Variants in LRBA observed in about 807,000 individuals in gnomAD.
LRBA encodes LPS responsive beige-like anchor protein.
In LRBA, 176 loss-of-function variants were observed where a neutral mutation model predicts 330.0. The ratio of observed to expected loss-of-function variants is 0.53; its 90% CI spans 0.47 to 0.60. LRBA has a LOEUF of 0.60. Among genes scored for constraint, LRBA ranks in the 20% least tolerant of loss-of-function variants. The probability of loss-of-function intolerance (pLI) is 0.00; values close to 1 mark genes in which losing one functional copy is unlikely to be tolerated. For missense variants in LRBA, 3,259 were observed against 3,444.8 expected, an observed-to-expected ratio of 0.95 and a Z score of 1.35; for synonymous variants, 1,230 against 1,193.0, an observed-to-expected ratio of 1.03 and a Z score of -0.64.
At chr4:150,853,952 C>A (rs1750926398) in intron 22 of LRBA, among the ~76,000 whole-genome samples, 2 of 151,870 alleles carry the variant, frequency 1.3e-5, no homozygotes, top group Non-Finnish European at 2.9e-5. Context: ...CTTTATTGAG[C>A]CATAGTATAA....
At chr4:150,289,743 C>A (rs1377520306) in intron 53 of LRBA, among the ~76,000 whole-genome samples, 1 of 152,120 alleles carries the variant, frequency 6.6e-6, no homozygotes, top group East Asian at 1.9e-4. Context: ...TTCTCCTCAT[C>A]AAAAAGTACA....
At chr4:150,835,555 T>C (rs866803382) in intron 28 of LRBA, among the ~76,000 whole-genome samples, 3 of 152,158 alleles carry the variant, frequency 2.0e-5, no homozygotes, top group African/African-American at 4.8e-5. Flanking sequence ...GTATTTTATT[T>C]TTTTTGAAGC....
intron 11 of LRBA, among the ~76,000 whole-genome samples, chr4:150,908,036 A>G (rs1421043742): frequency 6.6e-6 from 1 of 151,924 alleles, no homozygotes; most frequent in Non-Finnish European, 1.5e-5. Flanking sequence ...ATGGGTAGTA[A>G]AAAAAATTTT....
chr4:150,302,515 AT>A (rs1729802455), intron 53 of LRBA, 109 bp downstream of exon 53: 1 of 558,190 alleles, frequency 1.8e-6, no homozygotes, highest in African/African-American at 1.9e-5. Flanking sequence ...TAAATAAAAA[AT>A]ACTTGATAAT....
At chr4:150,301,575 C>T (rs1295400652) in intron 53 of LRBA, among the ~76,000 whole-genome samples, 1 of 151,146 alleles carries the variant, frequency 6.6e-6, no homozygotes, top group Admixed American at 6.6e-5. Flanking sequence ...TAACATTATA[C>T]TAGCATTTGA....
intron 52 of LRBA, among the ~76,000 whole-genome samples, chr4:150,303,802 TG>T (rs1729997181): frequency 6.6e-6 from 1 of 152,002 alleles, no homozygotes; most frequent in South Asian, 2.1e-4. Flanking sequence ...CTCGATCTCC[TG>T]ACCTTGTAAT....
intron 2 of LRBA, among the ~76,000 whole-genome samples, chr4:150,958,741 T>C (rs1042959839): frequency 6.7e-6 from 1 of 148,928 alleles, no homozygotes; most frequent in Non-Finnish European, 1.5e-5. Context: ...TCCACAGACC[T>C]CTAGGGCAAG....
At position 150,590,718 on chromosome 4, in the gene LRBA, A is replaced by G. The variant is rs1464918344; in HGVS notation, c.6188T>C (p.Leu2063Pro). ...TGCACAACCACCAAATTTACCGGCA[A>G]GATTCTCTAAATCTTTCTCATCCAC... is the stretch of plus-strand genomic sequence containing the variant. Reference protein sequence around the residue: ...SSVDEKDLENLAGPVSLSTPA... With the variant: ...SSVDEKDLENPAGPVSLSTPA... The change falls in exon 39 of 57, where the codon CTT becomes CCT. Residue 2063 changes from leucine to proline, a missense_variant. By Grantham distance (98) the Leu-to-Pro change is moderately conservative. Coordinates refer to ENST00000651943, the MANE Select transcript of LRBA (RefSeq NM_001364905.1). The G allele has an allele frequency of 6.2e-7, 1 of 1,613,244 alleles. No homozygotes were observed. Among genetic ancestry groups the G allele is most frequent in the Non-Finnish European group, 8.5e-7 (1 of 1,179,788 alleles).
In LRBA at chr4:150,633,843, G is replaced by A. The variant is rs554119871; in HGVS notation, c.5922-34712C>T. On this transcript the variant is annotated intron_variant, in intron 37 of 56. Coordinates refer to ENST00000651943, the MANE Select transcript of LRBA (RefSeq NM_001364905.1). ...TTAAATACCTCTGCTGGTCGGATGC[G>A]GTGGCTCACACCTGTAATCCCAGCA... Among the ~76,000 whole-genome samples the A allele has an allele frequency of 3.9e-5, 6 of 152,230 alleles. No homozygotes were observed. The South Asian group carries it at 6.2e-4, about 16-fold the overall frequency.
rs371473736 is a variant in LRBA at position 150,891,493 on chromosome 4, T to C, written c.2165+1559A>G. On this transcript the variant is annotated intron_variant, in intron 17 of 56. Coordinates refer to ENST00000651943, the MANE Select transcript of LRBA (RefSeq NM_001364905.1). ...GAGATTAACATTTAAATAAGCAGAT[T>C]TTTTGTATGTGGACCTTATCCAGCT... 1.7e-4 allele frequency among the ~76,000 whole-genome samples: 26 copies of C among 152,300 alleles called. 2 individuals are homozygous for C. Among genetic ancestry groups the C allele is most frequent in the East Asian group, 1.2e-3 (6 of 5,182 alleles).
In LRBA at chr4:150,537,965, G is replaced by A. The variant is rs542326470; in HGVS notation, c.6331-46930C>T. ...GCGAGACTCTGTCTCAAAAAAAAAA[G>A]CGAACAAAAGACATTGAACAGAAGC... On this transcript the variant is annotated intron_variant, in intron 40 of 56. Coordinates refer to ENST00000651943, the MANE Select transcript of LRBA (RefSeq NM_001364905.1). Among the ~76,000 whole-genome samples the A allele has an allele frequency of 4.6e-5, 7 of 151,118 alleles. No individual in the cohort carries two copies. The South Asian group carries it at 1.5e-3, about 32-fold the overall frequency.
intron 36 of LRBA, among the ~76,000 whole-genome samples, chr4:150,716,259 C>T (rs1435165628): frequency 1.3e-5 from 2 of 152,068 alleles, no homozygotes; most frequent in East Asian, 3.9e-4. Flanking sequence ...CCAACCTGGC[C>T]AAGATGGTGA....
chr4:150,620,004 C>G (rs899269053), intron 37 of LRBA, among the ~76,000 whole-genome samples: 8 of 152,120 alleles, frequency 5.3e-5, no homozygotes, highest in African/African-American at 1.7e-4. Context: ...TGTAATTTAA[C>G]TACAAAAAAT....
At chr4:150,488,433 C>A (rs1052092791) in intron 41 of LRBA, among the ~76,000 whole-genome samples, 3 of 151,566 alleles carry the variant, frequency 2.0e-5, no homozygotes, top group African/African-American at 7.3e-5. Flanking sequence ...TCTGAAGGAA[C>A]ATTTTTCCTC....
intron 33 of LRBA, among the ~76,000 whole-genome samples, chr4:150,801,608 A>G (rs1241436862): frequency 2.0e-5 from 3 of 152,204 alleles, no homozygotes; most frequent in Non-Finnish European, 2.9e-5. Context: ...AAACTGTATC[A>G]AGTAAACTGT....
chr4:150,947,743 C>A (rs1736393998), intron 2 of LRBA, among the ~76,000 whole-genome samples: 1 of 151,872 alleles, frequency 6.6e-6, no homozygotes, highest in African/African-American at 2.4e-5. Flanking sequence ...TTAAGCTGTC[C>A]CTATTTGCAC....
intron 37 of LRBA, among the ~76,000 whole-genome samples, chr4:150,660,895 A>G (rs1561486849): frequency 8.5e-6 from 1 of 117,596 alleles, no homozygotes; most frequent in Non-Finnish European, 1.7e-5. Flanking sequence ...GTCATCACCA[A>G]TCCCTAATCT....
At chr4:150,489,816 A>G (rs975751081) in intron 41 of LRBA, among the ~76,000 whole-genome samples, 1 of 144,454 alleles carries the variant, frequency 6.9e-6, no homozygotes, top group African/African-American at 2.5e-5. Flanking sequence ...TCCTTTACAT[A>G]TCCACTATTA....
intron 37 of LRBA, among the ~76,000 whole-genome samples, chr4:150,668,950 T>C (rs1178160849): frequency 6.6e-6 from 1 of 151,850 alleles, no homozygotes; most frequent in Non-Finnish European, 1.5e-5. Context: ...GCCTGATAGG[T>C]GAGTAAAAGC....
Sources: gnomAD v4.1 joint callset for allele counts (sites outside exome capture counted in the v4.1 genomes callset) on GRCh38, gnomAD v4.1.1 for gene constraint, MANE v1.5 for transcripts, NCBI Gene and HGNC (gene_info 2026-07-23, HGNC 2026-07-21) for gene names.